The following WASF3 variants were observed in gnomAD, a reference collection of about 807,000 sequenced individuals.
WASF3 encodes WASP family member 3.
In WASF3, 11 loss-of-function variants were observed where a neutral mutation model predicts 46.6. That is an observed-to-expected ratio of 0.24 (90% CI 0.15 to 0.39). The LOEUF (loss-of-function observed/expected upper bound fraction) is 0.39, where lower values mean the gene tolerates loss of function less well. Among genes scored for constraint, WASF3 ranks in the 10% least tolerant of loss-of-function variants. The pLI, the probability that WASF3 is intolerant of heterozygous loss-of-function variation, is 1.00. For missense variants in WASF3, 576 were observed against 669.8 expected, an observed-to-expected ratio of 0.86 and a Z score of 1.55; for synonymous variants, 242 against 259.7, an observed-to-expected ratio of 0.93 and a Z score of 0.65.
intron 2 of WASF3, among the ~76,000 whole-genome samples, chr13:26,628,684 G>C (rs189365775): frequency 2.0e-5 from 3 of 152,126 alleles, no homozygotes; most frequent in Non-Finnish European, 4.4e-5. Flanking sequence ...CCAAAGTACC[G>C]TGGTGGCATC....
Position 26,621,445 on chromosome 13 carries a change from AGAAGAAACTGAGGCCCACCCTGAT to A in WASF3, c.-11+8421_-11+8444del, listed in dbSNP as rs547843527. On this transcript the variant is annotated intron_variant, in intron 2 of 9. Coordinates refer to ENST00000335327, the MANE Select transcript of WASF3 (RefSeq NM_006646.6). ...CAAGAGAGCAAATCTGTTCTGCAGGAGAAGAAACTGAGGCCCACCCTGATGAAGAAACTGAGGCCCACCCTGATG... is the reference window on the plus strand; with the variant it reads ...CAAGAGAGCAAATCTGTTCTGCAGGAGAAGAAACTGAGGCCCACCCTGATG... Among the ~76,000 whole-genome samples the A allele has an allele frequency of 1.4e-3, 217 of 152,268 alleles. 1 individual carries two copies. The highest frequency in any genetic ancestry group is 4.5e-3 in the African/African-American group (188 of 41,554).
intron 2 of WASF3, among the ~76,000 whole-genome samples, chr13:26,623,620 T>C (rs1015575257): frequency 5.9e-5 from 9 of 152,150 alleles, no homozygotes; most frequent in African/African-American, 2.2e-4. Flanking sequence ...GGGACAAATA[T>C]CAGGCAGAGT....
intron 7 of WASF3, among the ~76,000 whole-genome samples, 170 bp from the exon 8 acceptor site, chr13:26,680,884 T>G (rs1341133886): frequency 6.6e-6 from 1 of 152,230 alleles, no homozygotes; most frequent in African/African-American, 2.4e-5. Context: ...ATAATAATTA[T>G]GTTGTTGCTT....
At chr13:26,577,831 CAT>C (rs1268570507) in intron 1 of WASF3, among the ~76,000 whole-genome samples, 2 of 152,302 alleles carry the variant, frequency 1.3e-5, no homozygotes, top group African/African-American at 2.4e-5. Flanking sequence ...GCAATTTAAT[CAT>C]GTGTATAGGT....
intron 1 of WASF3, among the ~76,000 whole-genome samples, chr13:26,598,308 G>A (rs1181869954): frequency 6.6e-6 from 1 of 151,996 alleles, no homozygotes; most frequent in Non-Finnish European, 1.5e-5. Context: ...CTTTTTGATG[G>A]GGTTGTTTTT....
chr13:26,676,322 C>CTA (rs1387854546), intron 6 of WASF3, among the ~76,000 whole-genome samples: 1 of 152,164 alleles, frequency 6.6e-6, no homozygotes, highest in Non-Finnish European at 1.5e-5. Flanking sequence ...TGGTAAGCAA[C>CTA]TCTTAACAGT....
At chr13:26,656,913 T>C (rs1362286828) in intron 3 of WASF3, among the ~76,000 whole-genome samples, 4 of 152,064 alleles carry the variant, frequency 2.6e-5, no homozygotes, top group Non-Finnish European at 4.4e-5. Flanking sequence ...GTCCAAAACA[T>C]GTTTTCTAAT....
chr13:26,618,862 A>G (rs1254181862), intron 2 of WASF3: 1 of 152,164 alleles, frequency 6.6e-6, no homozygotes, highest in Non-Finnish European at 1.5e-5. Context: ...TCTGGTGTAA[A>G]TTGCCAAGAT....
upstream of WASF3, among the ~76,000 whole-genome samples, chr13:26,554,482 C>T (rs1879057219): frequency 6.6e-6 from 1 of 152,014 alleles, no homozygotes; most frequent in South Asian, 2.1e-4. Context: ...AAAGATTTAC[C>T]AATAGTTGAA....
In WASF3 at chr13:26,639,641, A is replaced by C. The variant is rs1593164019; in HGVS notation, c.-10-2620A>C. 2.0e-5 allele frequency: 3 copies of C among 152,286 alleles called. No individual in the cohort carries two copies. In the South Asian group the frequency reaches 6.2e-4, roughly 32 times the overall value. The allele number at this position is 152,286 out of a possible 1,614,324, so 9.4% of individuals were successfully genotyped here. On this transcript the variant is annotated intron_variant, in intron 2 of 9. Transcript: ENST00000335327. ...AAGTGCCGACATGTTGTCCCTTCCAAATCCCTCTCAGAGCTCCCTGTTGCT... is the reference window on the plus strand; with the variant it reads ...AAGTGCCGACATGTTGTCCCTTCCACATCCCTCTCAGAGCTCCCTGTTGCT...
chr13:26,669,482 AAT>A (rs1461612369), intron 5 of WASF3, among the ~76,000 whole-genome samples: 5 of 150,272 alleles, frequency 3.3e-5, no homozygotes, highest in Admixed American at 6.7e-5. Context: ...ATATTGTCTT[AAT>A]ATAAGAAGTA....
At chr13:26,642,803 A>T (rs1697223) in intron 3 of WASF3, among the ~76,000 whole-genome samples, 47,227 of 152,048 alleles carry the variant, frequency 0.31, 7,733 homozygotes, top group East Asian at 0.57. Flanking sequence ...AACACCTGTA[A>T]TATGCCTGGC....
chr13:26,543,062 C>T, the WASF3 span, among the ~76,000 whole-genome samples: 1 of 152,094 alleles, frequency 6.6e-6, no homozygotes, highest in African/African-American at 2.4e-5. Context: ...GACATCATGT[C>T]CTTTCAGTGT....
intron 3 of WASF3, among the ~76,000 whole-genome samples, chr13:26,664,542 A>AT (rs1882717626): frequency 6.6e-6 from 1 of 152,264 alleles, no homozygotes; most frequent in Non-Finnish European, 1.5e-5. Context: ...ATATACCTAG[A>AT]TTTCACAATA....
Position 26,676,629 on chromosome 13 carries a change from G to A in WASF3, c.621G>A (p.Met207Ile). 6.2e-7 allele frequency: 1 copy of A among 1,614,162 alleles called. No homozygotes were observed. Among genetic ancestry groups the A allele is most frequent in the Non-Finnish European group, 8.5e-7 (1 of 1,180,044 alleles). The change falls in exon 7 of 10, where the codon ATG (methionine) becomes ATA (isoleucine). Residue 207 changes from methionine to isoleucine, a missense_variant. By Grantham distance (10) the Met-to-Ile change is conservative. This residue lies in a region of WASF3 where 213 missense variants were observed against 278.0 expected (regional missense o/e 0.77). Transcript: ENST00000335327. ...GAAACAGGCGCCAGGAGTGGAATAT[G>A]ATGGCATATGACAAAGAGCTTAGAC... ...KARNRRQEWNMMAYDKELRPD... is the reference protein window; with the variant it reads ...KARNRRQEWNIMAYDKELRPD...
chr13:26,546,421 A>G, the WASF3 span, among the ~76,000 whole-genome samples: 1 of 152,158 alleles, frequency 6.6e-6, no homozygotes, highest in Admixed American at 6.5e-5. Flanking sequence ...GTAAAAACAG[A>G]CTGGGTGCGG....
At position 26,642,927 on chromosome 13, in the gene WASF3, A is replaced by G. The variant is rs190934803; in HGVS notation, c.133+524A>G. On this transcript the variant is annotated intron_variant, in intron 3 of 9. Coordinates refer to ENST00000335327, the MANE Select transcript of WASF3 (RefSeq NM_006646.6). ...TAACCTACTAAAAGTTAAAATGCAG[A>G]TACTGATTTCTGCATTGAGGTGAAC... Among the ~76,000 whole-genome samples the G allele has an allele frequency of 1.2e-3, 187 of 152,320 alleles. 4 individuals are homozygous for G. The highest frequency in any genetic ancestry group is 9.3e-3 in the Admixed American group (143 of 15,300).
At chr13:26,635,679 G>T (rs892185362) in intron 2 of WASF3, among the ~76,000 whole-genome samples, 3 of 152,184 alleles carry the variant, frequency 2.0e-5, no homozygotes, top group Non-Finnish European at 2.9e-5. Flanking sequence ...TTTTCATGTG[G>T]ATGTCTTTTT....
intron 4 of WASF3, among the ~76,000 whole-genome samples, chr13:26,666,050 C>T (rs565746931): frequency 2.3e-4 from 35 of 152,088 alleles, no homozygotes; most frequent in South Asian, 4.1e-4. Context: ...TGGAATTCAT[C>T]TCTCATCATT....
Sources: allele counts gnomAD v4.1 joint callset (sites outside exome capture counted in the v4.1 genomes callset), GRCh38; gene constraint gnomAD v4.1.1; regional missense constraint gnomAD v4.1.1; transcripts MANE v1.5; gene names NCBI Gene and HGNC (gene_info 2026-07-23, HGNC 2026-07-21).